DNAAF5: variants seen among roughly 807,000 people sequenced by gnomAD.
DNAAF5 encodes HEAT repeat containing 2.
In DNAAF5, 64 loss-of-function variants were observed where a neutral mutation model predicts 75.8. The observed-to-expected ratio is 0.84, with a 90% CI of 0.69 to 1.04. The LOEUF is 1.04. DNAAF5 is among the 50% of genes least tolerant of loss of function. The probability of loss-of-function intolerance (pLI) is 0.00; values close to 1 mark genes in which losing one functional copy is unlikely to be tolerated. For synonymous variants in DNAAF5, 657 were observed against 557.2 expected, an observed-to-expected ratio of 1.18 and a Z score of -2.52; for missense variants, 1,269 against 1,178.5, an observed-to-expected ratio of 1.08 and a Z score of -1.12.
chr7:766,691 C>T (rs1408881219), intron 8 of DNAAF5, among the ~76,000 whole-genome samples: 1 of 151,982 alleles, frequency 6.6e-6, no homozygotes, highest in African/African-American at 2.4e-5. Flanking sequence ...ACCGAGCAGC[C>T]TGCTCTGATG....
At chr7:777,600 C>A (rs936709063) in intron 11 of DNAAF5, among the ~76,000 whole-genome samples, 1 of 152,152 alleles carries the variant, frequency 6.6e-6, no homozygotes, top group Non-Finnish European at 1.5e-5. Flanking sequence ...GCCACTCAGG[C>A]GTTCCTGATT....
intron 4 of DNAAF5, among the ~76,000 whole-genome samples, chr7:741,838 G>C (rs1583483337): frequency 6.6e-6 from 1 of 152,342 alleles, no homozygotes; most frequent in East Asian, 1.9e-4. Context: ...TGGTGGTTGG[G>C]GGGTGTTGGA....
chr7:755,624 G>A (rs958946421), intron 5 of DNAAF5, among the ~76,000 whole-genome samples: 7 of 152,120 alleles, frequency 4.6e-5, no homozygotes, highest in South Asian at 2.1e-4. Flanking sequence ...TCCAGCTCCC[G>A]GGAGGCTGAG....
At chr7:753,420 C>T (rs964717272) in intron 4 of DNAAF5, among the ~76,000 whole-genome samples, 3 of 152,200 alleles carry the variant, frequency 2.0e-5, no homozygotes, top group Non-Finnish European at 4.4e-5. Context: ...AGCTCAGTCA[C>T]GGGACAGATC....
At chr7:779,461 A>G (rs966900651) in intron 11 of DNAAF5, among the ~76,000 whole-genome samples, 1 of 152,166 alleles carries the variant, frequency 6.6e-6, no homozygotes, top group Non-Finnish European at 1.5e-5. Flanking sequence ...ATAAGTTTCT[A>G]CCCATCGGGA....
chr7:774,657 C>T (rs142288241), intron 10 of DNAAF5, among the ~76,000 whole-genome samples: 1,821 of 152,278 alleles, frequency 0.012, 41 homozygotes, highest in African/African-American at 0.038. Flanking sequence ...GAAGGCGCTG[C>T]CCTGGGCGCC....
rs549105050 is a variant in DNAAF5 at position 754,978 on chromosome 7, A to G, written c.1257+157A>G. Among the ~76,000 whole-genome samples, 19 of 152,338 alleles carry G rather than the reference A, an allele frequency of 1.2e-4. No individual in the cohort carries two copies. Among genetic ancestry groups the G allele is most frequent in the African/African-American group, 4.3e-4 (18 of 41,578 alleles). On this transcript the variant is annotated intron_variant, in intron 5 of 12. Transcript: ENST00000297440. This position sits in a 1 kb window ranked among gnomAD's most constrained non-coding sequence, Gnocchi z 4.8. ...TCCCCACACCCAGCCCCTGGGAACA[A>G]CTGATCTCCTTTCTGTGCCCGTAGG...
In DNAAF5 at chr7:729,767, G is replaced by A; in HGVS notation, c.700G>A (p.Val234Met). The A allele has an allele frequency of 1.2e-6, 2 of 1,614,240 alleles. No individual in the cohort carries two copies. The highest frequency in any genetic ancestry group is 1.7e-6 in the Non-Finnish European group (2 of 1,180,048). Residue 234 changes from valine (V) to methionine (M), a missense_variant, in exon 2 of 13, where the codon GTG becomes ATG. Val to Met is a conservative substitution (Grantham distance 21). Coordinates refer to ENST00000297440, the MANE Select transcript of DNAAF5 (RefSeq NM_017802.4). ...RVAAIEATGA[V>M]IHFGNGKSVD... ...GGCCGCCATTGAAGCCACAGGCGCAGTGATCCATTTTGGCAACGGGAAGTC... is the reference window on the plus strand; with the variant it reads ...GGCCGCCATTGAAGCCACAGGCGCAATGATCCATTTTGGCAACGGGAAGTC...
At position 769,089 on chromosome 7, in the gene DNAAF5, T is replaced by C. The variant is rs1172516433; in HGVS notation, c.1784-1382T>C. ...GAGCCAGAGCAGCGAGTACATTGCG[T>C]CTCCGTGTGGCAAGGGCAGGTGCGG... is the stretch of plus-strand genomic sequence containing the variant. On this transcript the variant is annotated intron_variant, in intron 8 of 12. Transcript: ENST00000297440. The C allele has an allele frequency of 1.2e-5, 9 of 727,158 alleles. No individual in the cohort carries two copies. The East Asian group carries it at 1.8e-4, about 15-fold the overall frequency. 45.0% of individuals were successfully genotyped at this position (727,158 alleles called of 1,614,324 possible).
At chr7:761,528 C>T (rs762218788) in intron 6 of DNAAF5, among the ~76,000 whole-genome samples, 2 of 152,296 alleles carry the variant, frequency 1.3e-5, no homozygotes, top group Non-Finnish European at 2.9e-5. Context: ...TGGCGGCAGG[C>T]GAGAGAGTGT....
intron 8 of DNAAF5, 83 bp downstream of exon 8, chr7:764,057 A>G (rs1011212582): frequency 2.1e-6 from 3 of 1,429,392 alleles, no homozygotes; most frequent in Non-Finnish European, 2.9e-6. Flanking sequence ...AGCAGGTACC[A>G]GCGCCGACCA....
chr7:735,493 C>T (rs1781714287), intron 2 of DNAAF5, among the ~76,000 whole-genome samples: 2 of 150,386 alleles, frequency 1.3e-5, no homozygotes, highest in African/African-American at 2.5e-5. Context: ...GGTGTCGTTG[C>T]TCATATTGTA....
At chr7:739,386 G>T (rs879353539) in intron 2 of DNAAF5, among the ~76,000 whole-genome samples, 1 of 152,196 alleles carries the variant, frequency 6.6e-6, no homozygotes, top group Non-Finnish European at 1.5e-5. Context: ...ACCTGCCGGC[G>T]CCATGGGTGA....
intron 8 of DNAAF5, among the ~76,000 whole-genome samples, chr7:769,372 C>T (rs918149629): frequency 2.6e-5 from 4 of 152,106 alleles, no homozygotes; most frequent in African/African-American, 9.7e-5. Flanking sequence ...CAGAGCTGTC[C>T]TTGCCCTGTC....
intron 6 of DNAAF5, among the ~76,000 whole-genome samples, chr7:760,352 T>TA (rs1271248526): frequency 6.6e-6 from 1 of 152,172 alleles, no homozygotes; most frequent in Non-Finnish European, 1.5e-5. Flanking sequence ...CCCCCATTAG[T>TA]AAAAACAGTT....
Position 764,539 on chromosome 7 carries a change from G to A in DNAAF5, c.1783+565G>A, listed in dbSNP as rs183545858. Among the ~76,000 whole-genome samples, 844 of 152,334 alleles carry A rather than the reference G, an allele frequency of 5.5e-3. 10 individuals are homozygous for A. Among genetic ancestry groups the A allele is most frequent in the African/African-American group, 0.019 (804 of 41,582 alleles). ...CTGCTCCACGGGCCGTGAACTCGCC[G>A]CGGTAGCTCTTCCTCGTTTGCCTCC... On this transcript the variant is annotated intron_variant, in intron 8 of 12. Coordinates refer to ENST00000297440, the MANE Select transcript of DNAAF5 (RefSeq NM_017802.4).
intron 4 of DNAAF5, among the ~76,000 whole-genome samples, chr7:746,550 CG>C: frequency 6.9e-6 from 1 of 144,176 alleles, no homozygotes; most frequent in East Asian, 2.1e-4. Flanking sequence ...CCCTTTCCCC[CG>C]CCCGCCGTGC....
In DNAAF5 at chr7:727,182, C is replaced by T. The variant is rs1047526717; in HGVS notation, c.462C>T (p.Asp154=). The T allele has an allele frequency of 2.2e-6, 3 of 1,341,848 alleles. No homozygotes were observed. Among genetic ancestry groups the T allele is most frequent in the African/African-American group, 3.1e-5 (2 of 64,948 alleles). 83.1% of individuals were successfully genotyped at this position (1,341,848 alleles called of 1,614,324 possible). A position where few individuals can be genotyped will look rare whatever the true frequency, so the allele number is the denominator to read the frequency against. ...TGCAGCTGCTGGGCCTGGCCGTGGA[C>T]CTGTGCGGCGCCGCGCTCGCGCCCC... ...ALVQLLGLAV[D]LCGAALAPHL... The change falls in exon 1 of 13, where the codon GAC becomes GAT. Residue 154 remains aspartate (D), a synonymous_variant. Transcript: ENST00000297440.
At chr7:741,221 C>T (rs1781898375) in intron 3 of DNAAF5, 126 bp from the exon 4 acceptor site, 15 of 744,526 alleles carry the variant, frequency 2.0e-5, no homozygotes, top group Non-Finnish European at 3.3e-5. Flanking sequence ...TCCACCTTTT[C>T]TGGGGTTGGG....
Sources: gnomAD v4.1 joint callset for allele counts (sites outside exome capture counted in the v4.1 genomes callset) on GRCh38, gnomAD v4.1.1 for gene constraint, Gnocchi (gnomAD v3.1) non-coding constraint, MANE v1.5 for transcripts, NCBI Gene and HGNC (gene_info 2026-07-23, HGNC 2026-07-21) for gene names.